Variants in NALF1 observed in about 807,000 individuals in gnomAD.
NALF1 encodes NALCN channel auxiliary factor 1.
In NALF1, 3 loss-of-function variants were observed where a neutral mutation model predicts 48.4. The ratio of observed to expected loss-of-function variants is 0.06; its 90% CI spans 0.03 to 0.16. The LOEUF (loss-of-function observed/expected upper bound fraction) is 0.16, where lower values mean the gene tolerates loss of function less well. NALF1 is among the 10% of genes least tolerant of loss of function. NALF1 has a pLI of 1.00. For missense variants in NALF1, 526 were observed against 571.5 expected (o/e 0.92, Z 0.81); for synonymous variants, 262 against 245.7 (o/e 1.07, Z -0.62).
chr13:107,612,281 G>A (rs978159363), intron 1 of NALF1, among the ~76,000 whole-genome samples: 13 of 152,192 alleles, frequency 8.5e-5, no homozygotes, highest in African/African-American at 2.6e-4. Flanking sequence ...GAAAAAAGCA[G>A]GGTTGCTGTT....
intron 1 of NALF1, among the ~76,000 whole-genome samples, chr13:107,728,643 T>C (rs1037610465): frequency 6.6e-6 from 1 of 152,036 alleles, no homozygotes; most frequent in Non-Finnish European, 1.5e-5. Flanking sequence ...GGCACATGTA[T>C]ACATATGTAA....
At chr13:107,500,655 G>T (rs28417063) in intron 1 of NALF1, among the ~76,000 whole-genome samples, 38,150 of 148,702 alleles carry the variant, frequency 0.26, 5,034 homozygotes, top group East Asian at 0.37. Flanking sequence ...ACATGCACAC[G>T]TATGTTTATT....
intron 1 of NALF1, among the ~76,000 whole-genome samples, chr13:107,725,308 T>C (rs1375189265): frequency 6.6e-6 from 1 of 152,204 alleles, no homozygotes; most frequent in African/African-American, 2.4e-5. Flanking sequence ...TTTTTAAAAT[T>C]CTAATTGCCC....
At position 107,596,786 on chromosome 13, in the gene NALF1, C is replaced by T. The variant is rs138387218; in HGVS notation, c.915+268896G>A. ...ATGTATACATATATAACAAACCTGC[C>T]CATTCTGCACATGTATCCCAGAACT... On this transcript the variant is annotated intron_variant, in intron 1 of 2. Coordinates refer to ENST00000375915, the MANE Select transcript of NALF1 (RefSeq NM_001080396.3). 2.5e-3 allele frequency among the ~76,000 whole-genome samples: 382 copies of T among 152,088 alleles called. 3 individuals carry two copies. Among genetic ancestry groups the T allele is most frequent in the African/African-American group, 8.3e-3 (346 of 41,484 alleles).
chr13:107,435,665 T>C (rs1392514589), intron 1 of NALF1, among the ~76,000 whole-genome samples: 1 of 152,154 alleles, frequency 6.6e-6, no homozygotes, highest in Non-Finnish European at 1.5e-5. Context: ...TACAGTGTTC[T>C]CAAAGATGAA....
intron 1 of NALF1, among the ~76,000 whole-genome samples, chr13:107,614,134 G>T (rs1879314090): frequency 6.6e-6 from 1 of 152,114 alleles, no homozygotes; most frequent in South Asian, 2.1e-4. Flanking sequence ...TTTGAGTATG[G>T]GCATAGGGAT....
chr13:107,627,017 CATT>C (rs1879692104), intron 1 of NALF1, among the ~76,000 whole-genome samples: 1 of 152,038 alleles, frequency 6.6e-6, no homozygotes, highest in South Asian at 2.1e-4. Context: ...TTCTCTATGA[CATT>C]ATACAAGGAG....
chr13:107,618,594 G>A (rs1233661484), intron 1 of NALF1, among the ~76,000 whole-genome samples: 3 of 152,160 alleles, frequency 2.0e-5, no homozygotes, highest in Non-Finnish European at 2.9e-5. Flanking sequence ...TGGCCGGACC[G>A]GGATGCTAGC....
rs148523902 is a variant in NALF1 at position 107,629,202 on chromosome 13, T to C, written c.915+236480A>G. Among the ~76,000 whole-genome samples, 6 of 152,268 alleles carry C rather than the reference T, an allele frequency of 3.9e-5. No individual in the cohort carries two copies. The South Asian group carries it at 1.2e-3, about 32-fold the overall frequency. ...TATTTATACTAATAGTCAAAACACA[T>C]CTTCATTTATTTGACAATTAAGTCC... On this transcript the variant is annotated intron_variant, in intron 1 of 2. Transcript: ENST00000375915.
At position 107,481,931 on chromosome 13, in the gene NALF1, C is replaced by T. The variant is rs192160784; in HGVS notation, c.916-271176G>A. On this transcript the variant is annotated intron_variant, in intron 1 of 2. Coordinates refer to ENST00000375915, the MANE Select transcript of NALF1 (RefSeq NM_001080396.3). ...TGACTTAACTAATGAGGGAAATATT[C>T]TTTTATCCTTAATTCTGCCATTTGC... Among the ~76,000 whole-genome samples, 29 of 152,190 alleles carry T rather than the reference C, an allele frequency of 1.9e-4. 1 individual carries two copies. In the East Asian group the frequency reaches 5.4e-3, roughly 28 times the overall value.
At chr13:107,465,322 T>C (rs1202153070) in intron 1 of NALF1, among the ~76,000 whole-genome samples, 3 of 124,410 alleles carry the variant, frequency 2.4e-5, no homozygotes, top group Non-Finnish European at 5.0e-5. Context: ...ATTATATATA[T>C]ATATATATAT....
chr13:107,634,983 G>A (rs1879935862), intron 1 of NALF1, among the ~76,000 whole-genome samples: 1 of 152,084 alleles, frequency 6.6e-6, no homozygotes, highest in Non-Finnish European at 1.5e-5. Context: ...AGGGTGACAG[G>A]TATATTTGTA....
intron 1 of NALF1, among the ~76,000 whole-genome samples, chr13:107,232,400 T>C (rs1372003255): frequency 1.3e-5 from 2 of 152,208 alleles, no homozygotes; most frequent in Admixed American, 1.3e-4. Flanking sequence ...ATTTCCATTA[T>C]GAGCGAACTG....
chr13:107,680,154 A>G (rs1461803046), intron 1 of NALF1, among the ~76,000 whole-genome samples: 1 of 152,130 alleles, frequency 6.6e-6, no homozygotes, highest in Non-Finnish European at 1.5e-5. Context: ...CTGTGCCCAC[A>G]CAGGCTCTGC....
intron 1 of NALF1, among the ~76,000 whole-genome samples, chr13:107,272,715 T>C (rs1881201462): frequency 1.3e-5 from 2 of 152,290 alleles, no homozygotes; most frequent in Admixed American, 6.5e-5. Flanking sequence ...TATCAAAATA[T>C]ATTTTCAGCC....
chr13:107,696,618 T>C (rs369257594), intron 1 of NALF1, among the ~76,000 whole-genome samples: 3 of 151,980 alleles, frequency 2.0e-5, no homozygotes, highest in Non-Finnish European at 4.4e-5. Context: ...TGTGTGTATA[T>C]ACACAAAATA....
At chr13:107,356,366 A>T (rs1882963932) in intron 1 of NALF1, among the ~76,000 whole-genome samples, 1 of 152,374 alleles carries the variant, frequency 6.6e-6, no homozygotes, top group East Asian at 1.9e-4. Context: ...TATGAAATGT[A>T]TATAACAAAA....
intron 1 of NALF1, among the ~76,000 whole-genome samples, chr13:107,496,909 T>TA (rs1875357743): frequency 6.6e-6 from 1 of 152,130 alleles, no homozygotes; most frequent in South Asian, 2.1e-4. Context: ...AGGATTCAAT[T>TA]ACCTCCCACC....
intron 1 of NALF1, among the ~76,000 whole-genome samples, chr13:107,726,913 T>TTGTGTGTG (rs1171461096): frequency 1.5e-3 from 187 of 126,458 alleles, no homozygotes; most frequent in African/African-American, 4.1e-3. Context: ...CGGCAAATTC[T>TTGTGTGTG]TGTGTGTGTG....
Sources: gnomAD v4.1 joint callset for allele counts (sites outside exome capture counted in the v4.1 genomes callset) on GRCh38, gnomAD v4.1.1 for gene constraint, MANE v1.5 for transcripts, NCBI Gene and HGNC (gene_info 2026-07-23, HGNC 2026-07-21) for gene names.